Variants in FAT3 observed in about 807,000 individuals in gnomAD.
FAT3 encodes protocadherin Fat 3.
In FAT3, 95 loss-of-function variants were observed where a neutral mutation model predicts 310.2. That is an observed-to-expected ratio of 0.31 (90% CI 0.26 to 0.36). The LOEUF is 0.36. Ranked by LOEUF, FAT3 falls within the 10% of genes least tolerant of loss-of-function variation. The pLI is 1.00. For missense variants in FAT3, 5,408 were observed against 5,715.6 expected (o/e 0.95, Z 1.74); for synonymous variants, 2,314 against 2,192.9 (o/e 1.06, Z -1.54).
intron 1 of FAT3, among the ~76,000 whole-genome samples, chr11:92,287,145 G>A (rs950530324): frequency 1.3e-5 from 2 of 152,082 alleles, no homozygotes; most frequent in Non-Finnish European, 2.9e-5. Flanking sequence ...GAGAACGGAG[G>A]TATTTATTTT....
chr11:92,486,575 T>C (rs1017773642), intron 2 of FAT3, among the ~76,000 whole-genome samples: 1 of 152,136 alleles, frequency 6.6e-6, no homozygotes, highest in Non-Finnish European at 1.5e-5. Context: ...AATCCCAGAT[T>C]TTTTATGCTC....
intron 14 of FAT3, among the ~76,000 whole-genome samples, chr11:92,832,716 A>G (rs779295513): frequency 5.3e-5 from 8 of 151,970 alleles, no homozygotes; most frequent in Non-Finnish European, 8.8e-5. Context: ...GGTTTTTTAA[A>G]CTTAAGTCAT....
intron 2 of FAT3, among the ~76,000 whole-genome samples, chr11:92,424,134 C>G (rs955022528): frequency 6.6e-6 from 1 of 151,998 alleles, no homozygotes; most frequent in Non-Finnish European, 1.5e-5. Flanking sequence ...GAAGCTGACC[C>G]ATTCTTCCTG....
intron 2 of FAT3, among the ~76,000 whole-genome samples, chr11:92,433,587 G>A (rs770626145): frequency 1.6e-4 from 25 of 152,164 alleles, no homozygotes; most frequent in Non-Finnish European, 2.8e-4. Context: ...GTCCCAATGA[G>A]ATGAGCCAAA....
chr11:92,544,787 C>G (rs1195052991), intron 3 of FAT3, among the ~76,000 whole-genome samples: 1 of 152,184 alleles, frequency 6.6e-6, no homozygotes, highest in African/African-American at 2.4e-5. Flanking sequence ...CTTCAGCCCT[C>G]AGGGAGCTCC....
chr11:92,866,307 G>T (rs1949245762), intron 21 of FAT3, among the ~76,000 whole-genome samples: 1 of 152,116 alleles, frequency 6.6e-6, no homozygotes, highest in Non-Finnish European at 1.5e-5. Flanking sequence ...TGATCTCCTT[G>T]GCACTTAGTA....
intron 1 of FAT3, among the ~76,000 whole-genome samples, chr11:92,290,308 A>T (rs1360810706): frequency 6.6e-6 from 1 of 152,014 alleles, no homozygotes; most frequent in Non-Finnish European, 1.5e-5. Context: ...GGGGGCAAAG[A>T]TTATTGTCAG....
At chr11:92,768,593 T>C (rs1005449755) in intron 6 of FAT3, among the ~76,000 whole-genome samples, 1 of 152,230 alleles carries the variant, frequency 6.6e-6, no homozygotes, top group Non-Finnish European at 1.5e-5. Flanking sequence ...TCCTGCTTAT[T>C]TATCTTCAGC....
At chr11:92,520,723 G>A (rs1460551151) in intron 2 of FAT3, among the ~76,000 whole-genome samples, 1 of 152,050 alleles carries the variant, frequency 6.6e-6, no homozygotes, top group Non-Finnish European at 1.5e-5. Context: ...GATTAATATT[G>A]AGTCTTGGAT....
chr11:92,749,876 A>G (rs1945783397), intron 4 of FAT3, among the ~76,000 whole-genome samples: 1 of 152,244 alleles, frequency 6.6e-6, no homozygotes, highest in African/African-American at 2.4e-5. Context: ...GTTTTAAATC[A>G]ATCAGATCCA....
intron 11 of FAT3, among the ~76,000 whole-genome samples, chr11:92,805,777 G>A (rs1947491458): frequency 6.6e-6 from 1 of 151,988 alleles, no homozygotes; most frequent in Admixed American, 6.5e-5. Context: ...CTTATGAAGT[G>A]GCCTTTCTAC....
chr11:92,886,886 C>T, intron 24 of FAT3, 114 bp from the exon 25 acceptor site: 2 of 794,378 alleles, frequency 2.5e-6, no homozygotes, highest in Non-Finnish European at 4.1e-6. Context: ...ATTATTTTCT[C>T]TAAGCAAATG....
At chr11:92,723,152 A>G (rs970927246) in intron 4 of FAT3, among the ~76,000 whole-genome samples, 7 of 152,176 alleles carry the variant, frequency 4.6e-5, no homozygotes, top group African/African-American at 1.7e-4. Context: ...TGTTTCCCTT[A>G]TAAAACTGAA....
intron 13 of FAT3, among the ~76,000 whole-genome samples, chr11:92,830,988 A>C (rs1039731240): frequency 3.3e-5 from 5 of 152,062 alleles, no homozygotes; most frequent in African/African-American, 1.2e-4. Context: ...TCACGTGCTT[A>C]TGTTGCTGTA....
At chr11:92,245,441 G>A (rs1864861220) in intron 1 of FAT3, among the ~76,000 whole-genome samples, 2 of 152,036 alleles carry the variant, frequency 1.3e-5, no homozygotes, top group Non-Finnish European at 2.9e-5. Flanking sequence ...GTATACCTAT[G>A]TAACAAACCT....
chr11:92,252,672 C>G (rs908676539), intron 1 of FAT3, among the ~76,000 whole-genome samples: 3 of 152,066 alleles, frequency 2.0e-5, no homozygotes, highest in African/African-American at 7.2e-5. Flanking sequence ...TGTGCCTTGG[C>G]CCTGTCCAGT....
chr11:92,662,844 C>A (rs933559285), intron 3 of FAT3, among the ~76,000 whole-genome samples: 1 of 152,226 alleles, frequency 6.6e-6, no homozygotes, highest in Non-Finnish European at 1.5e-5. Flanking sequence ...AAGCTTTTAG[C>A]TGGCAATGTG....
intron 3 of FAT3, among the ~76,000 whole-genome samples, chr11:92,627,065 A>G (rs1448379007): frequency 1.3e-5 from 2 of 152,232 alleles, no homozygotes; most frequent in Non-Finnish European, 2.9e-5. Context: ...CCCATTTATT[A>G]GTTATGAGTA....
intron 1 of FAT3, among the ~76,000 whole-genome samples, chr11:92,280,970 A>G (rs1198117814): frequency 6.6e-6 from 1 of 152,150 alleles, no homozygotes; most frequent in East Asian, 1.9e-4. Flanking sequence ...ACCTCTAAGA[A>G]TCTGTTTTAG....
Sources: gnomAD v4.1 joint callset for allele counts (sites outside exome capture counted in the v4.1 genomes callset) on GRCh38, gnomAD v4.1.1 for gene constraint, MANE v1.5 for transcripts, NCBI Gene and HGNC (gene_info 2026-07-23, HGNC 2026-07-21) for gene names.